ASAP1: variants seen among roughly 807,000 people sequenced by gnomAD.
ASAP1 encodes the protein arf-GAP with SH3 domain, ANK repeat and PH domain-containing protein 1.
Under a neutral mutation model 145.2 loss-of-function variants are expected in ASAP1, and 43 were observed. The observed-to-expected ratio is 0.30, with a 90% CI of 0.23 to 0.38. The LOEUF (loss-of-function observed/expected upper bound fraction) is 0.38. Ranked by LOEUF, ASAP1 falls within the 10% of genes least tolerant of loss-of-function variation. The pLI is 1.00. For synonymous variants in ASAP1, 546 were observed against 515.5 expected (o/e 1.06, Z -0.80); for missense variants, 1,018 against 1,355.3 (o/e 0.75, Z 3.91).
intron 12 of ASAP1, among the ~76,000 whole-genome samples, chr8:130,158,376 A>G (rs2097662216): frequency 1.3e-5 from 2 of 150,722 alleles, no homozygotes; most frequent in African/African-American, 4.9e-5. Flanking sequence ...GTATCCAGGC[A>G]TGGTGGCATG....
intron 3 of ASAP1, among the ~76,000 whole-genome samples, chr8:130,300,336 ACT>A (rs1822587400): frequency 6.6e-6 from 1 of 152,092 alleles, no homozygotes; most frequent in Non-Finnish European, 1.5e-5. Flanking sequence ...AAATGAATTC[ACT>A]CTGTCACATG....
chr8:130,308,338 A>G (rs1586801234), intron 3 of ASAP1, among the ~76,000 whole-genome samples: 1 of 152,246 alleles, frequency 6.6e-6, no homozygotes, highest in Non-Finnish European at 1.5e-5. Context: ...ATACAGGCAG[A>G]CAGGGGTGAA....
intron 3 of ASAP1, among the ~76,000 whole-genome samples, chr8:130,304,004 C>G (rs1234167016): frequency 2.0e-5 from 3 of 151,906 alleles, no homozygotes; most frequent in African/African-American, 7.3e-5. Flanking sequence ...TAATTATTAA[C>G]TAATGGAAGA....
chr8:130,179,213 T>G, intron 9 of ASAP1, 51 bp downstream of exon 9: 1 of 1,132,980 alleles, frequency 8.8e-7, no homozygotes, highest in Non-Finnish European at 1.3e-6. Context: ...AATAATGAAG[T>G]ACAGGGGGCA....
chr8:130,070,098 G>A (rs2097439374), intron 27 of ASAP1, among the ~76,000 whole-genome samples: 1 of 152,052 alleles, frequency 6.6e-6, no homozygotes, highest in Non-Finnish European at 1.5e-5. Flanking sequence ...GTGCAGTGGC[G>A]CAATCTCGGC....
intron 24 of ASAP1, among the ~76,000 whole-genome samples, chr8:130,099,975 G>A (rs530782701): frequency 1.3e-5 from 2 of 152,274 alleles, no homozygotes; most frequent in South Asian, 4.1e-4. Context: ...CAGTAAACAT[G>A]GGGTGCAGGT....
At chr8:130,377,814 TG>T (rs1233511143) in intron 2 of ASAP1, among the ~76,000 whole-genome samples, 1 of 152,224 alleles carries the variant, frequency 6.6e-6, no homozygotes, top group Non-Finnish European at 1.5e-5. Context: ...CTCTGGCTCC[TG>T]CTTCCCAGAG....
intron 3 of ASAP1, among the ~76,000 whole-genome samples, chr8:130,286,519 C>G (rs78641086): frequency 6.6e-6 from 1 of 152,258 alleles, no homozygotes; most frequent in African/African-American, 2.4e-5. Flanking sequence ...GGCCAGAATT[C>G]CTGAGTTTCT....
intron 3 of ASAP1, among the ~76,000 whole-genome samples, chr8:130,335,721 C>T (rs1023266507): frequency 6.6e-6 from 1 of 152,174 alleles, no homozygotes; most frequent in Non-Finnish European, 1.5e-5. Flanking sequence ...CACCACCCCA[C>T]TAAGGACTAC....
intron 27 of ASAP1, 34 bp from the exon 28 acceptor site, chr8:130,061,103 G>A: frequency 6.6e-7 from 1 of 1,518,658 alleles, no homozygotes; most frequent in Non-Finnish European, 8.8e-7. Context: ...GAGGTCATTG[G>A]TGGGAAGGGC....
At chr8:130,180,604 A>G in intron 8 of ASAP1, 147 bp downstream of exon 8, 1 of 1,072,260 alleles carries the variant, frequency 9.3e-7, no homozygotes, top group South Asian at 1.7e-5. Context: ...AAAGGCTTGG[A>G]GAAAAATGGA....
chr8:130,306,546 A>C (rs1284538044), intron 3 of ASAP1, among the ~76,000 whole-genome samples: 1 of 152,230 alleles, frequency 6.6e-6, no homozygotes, highest in Non-Finnish European at 1.5e-5. Flanking sequence ...AGGTCTAAGT[A>C]GAGCTGGTTC....
At chr8:130,055,057 CCT>C (rs1420342764) in intron 29 of ASAP1, among the ~76,000 whole-genome samples, 6 of 152,190 alleles carry the variant, frequency 3.9e-5, no homozygotes, top group Non-Finnish European at 5.9e-5. Context: ...ACAGCAACCC[CCT>C]GAGGTGGATA....
At chr8:130,180,261 GA>G (rs2136170149) in intron 8 of ASAP1, among the ~76,000 whole-genome samples, 1 of 152,320 alleles carries the variant, frequency 6.6e-6, no homozygotes, top group South Asian at 2.1e-4. Flanking sequence ...TCTAGGTCAA[GA>G]AGTGTTCATG....
intron 3 of ASAP1, among the ~76,000 whole-genome samples, chr8:130,294,957 C>G (rs552066857): frequency 2.0e-5 from 3 of 152,140 alleles, no homozygotes; most frequent in East Asian, 1.9e-4. Flanking sequence ...GGATTAACAG[C>G]GAGAGGAATA....
At position 130,411,731 on chromosome 8, in the gene ASAP1, A is replaced by G. The variant is rs182946338; in HGVS notation, c.-27-9761T>C. Reference sequence around the variant, plus strand: ...ACAACTGCCAGTATTATGACAGCCCAAAACTAGAAATGACATCTGCAGCCC... The same window carrying G: ...ACAACTGCCAGTATTATGACAGCCCGAAACTAGAAATGACATCTGCAGCCC... On this transcript the variant is annotated intron_variant, in intron 1 of 29. Transcript: ENST00000518721. 6.4e-4 allele frequency among the ~76,000 whole-genome samples: 97 copies of G among 152,346 alleles called. 1 individual carries two copies. The highest frequency in any genetic ancestry group is 2.3e-3 in the African/African-American group (94 of 41,594).
At chr8:130,267,549 G>A (rs1820334697) in intron 3 of ASAP1, among the ~76,000 whole-genome samples, 3 of 152,204 alleles carry the variant, frequency 2.0e-5, no homozygotes, top group Non-Finnish European at 4.4e-5. Context: ...AAATGGAGGG[G>A]CTGGAAGTCA....
intron 1 of ASAP1, among the ~76,000 whole-genome samples, chr8:130,410,487 A>G (rs1662360610): frequency 6.6e-6 from 1 of 152,192 alleles, no homozygotes; most frequent in Non-Finnish European, 1.5e-5. Flanking sequence ...TCCAATCCTC[A>G]TGCCAGCAGG....
intron 3 of ASAP1, among the ~76,000 whole-genome samples, chr8:130,239,390 T>C (rs1468011793): frequency 1.3e-5 from 2 of 152,068 alleles, no homozygotes; most frequent in Non-Finnish European, 2.9e-5. Flanking sequence ...TTATATCCAT[T>C]TTATGGATGA....
Sources: allele counts gnomAD v4.1 joint callset (sites outside exome capture counted in the v4.1 genomes callset), GRCh38; gene constraint gnomAD v4.1.1; transcripts MANE v1.5; gene names NCBI Gene and HGNC (gene_info 2026-07-23, HGNC 2026-07-21).